Variants in ZNF444 observed in about 807,000 individuals in gnomAD.
ZNF444 encodes the protein zinc finger protein 444, also known as endothelial zinc finger protein 2.
ZNF444 carries 8 observed loss-of-function variants against 14.4 expected under a neutral mutation model. That is an observed-to-expected ratio of 0.56 (90% CI 0.33 to 1.00). The LOEUF (loss-of-function observed/expected upper bound fraction) is 1.00, where lower values mean the gene tolerates loss of function less well. ZNF444 is among the 50% of genes least tolerant of loss of function. ZNF444 has a pLI of 0.03. For synonymous variants in ZNF444, 258 were observed against 235.9 expected (o/e 1.09, Z -0.86); for missense variants, 510 against 504.8 (o/e 1.01, Z -0.10).
At chr19:56,158,391 C>G (rs1215279432) in intron 3 of ZNF444, 103 bp from the exon 4 acceptor site, 1 of 1,118,186 alleles carries the variant, frequency 8.9e-7, no homozygotes, top group Non-Finnish European at 1.2e-6. Context: ...TGGCTTCCTC[C>G]CAGCAGGGAT....
chr19:56,136,701 T>G (rs904553474), upstream of ZNF444, among the ~76,000 whole-genome samples: 1 of 152,230 alleles, frequency 6.6e-6, no homozygotes, highest in Non-Finnish European at 1.5e-5. Context: ...TTGCATCCCC[T>G]GGAGGCCTTG....
rs1166927928 is a variant in ZNF444, at chr19:56,160,310, C to G, written c.*109C>G. The G allele has an allele frequency of 2.3e-6, 2 of 868,106 alleles. No homozygotes were observed. Among genetic ancestry groups the G allele is most frequent in the Non-Finnish European group, 3.2e-6 (2 of 615,928 alleles). 53.8% of individuals were successfully genotyped at this position (868,106 alleles called of 1,614,324 possible). ...CCTCTCCTCCTTCCCTCCCATCGTC[C>G]TCCTCCACCTGCGCCTCCCTTGTCT... On this transcript the variant is annotated 3_prime_UTR_variant, in exon 5 of 5. Coordinates refer to ENST00000337080, the MANE Select transcript of ZNF444 (RefSeq NM_018337.4).
chr19:56,160,147 G>A lies in ZNF444; in HGVS notation c.930G>A (p.Ala310=), dbSNP rs1417516503. Residue 310 remains alanine (A), a synonymous_variant, in exon 5 of 5, where the codon GCG becomes GCA. Transcript: ENST00000337080. ...HGRAAASAQG[A]VAPGPDGGGP... is the part of the protein sequence containing the mutation. ...GGGCAGCGGCCAGCGCGCAGGGGGCGGTAGCTCCGGGCCCGGATGGTGGAG... is the reference window on the plus strand; with the variant it reads ...GGGCAGCGGCCAGCGCGCAGGGGGCAGTAGCTCCGGGCCCGGATGGTGGAG... 6 of 1,483,058 alleles carry A rather than the reference G, an allele frequency of 4.0e-6. No homozygotes were observed. Among genetic ancestry groups the A allele is most frequent in the South Asian group, 1.3e-5 (1 of 78,080 alleles). The allele number at this position is 1,483,058 out of a possible 1,614,324, so 91.9% of individuals were successfully genotyped here. A position where few individuals can be genotyped will look rare whatever the true frequency, so the allele number is the denominator to read the frequency against.
At chr19:56,148,963 C>A (rs1187089280) in intron 3 of ZNF444, among the ~76,000 whole-genome samples, 1 of 152,194 alleles carries the variant, frequency 6.6e-6, no homozygotes, top group Non-Finnish European at 1.5e-5. Context: ...AGGCTGCCCG[C>A]ATTCCTCGGC....
Position 56,160,521 on chromosome 19 carries a change from T to G in ZNF444, c.*320T>G. On this transcript the variant is annotated 3_prime_UTR_variant, in exon 5 of 5. Transcript: ENST00000337080. The stretch of plus-strand genomic sequence containing the variant: ...TCTCTCCTGCGGCCCAGCCTCCCTC[T>G]CCCTCCTCCATTCCTCTCTCCCTGC... 2.3e-5 allele frequency: 7 copies of G among 298,658 alleles called. No individual in the cohort carries two copies. Among genetic ancestry groups the G allele is most frequent in the East Asian group, 6.7e-5 (1 of 14,828 alleles). 18.5% of individuals were successfully genotyped at this position (298,658 alleles called of 1,614,324 possible). A position where few individuals can be genotyped will look rare whatever the true frequency, so the allele number is the denominator to read the frequency against.
upstream of ZNF444, among the ~76,000 whole-genome samples, chr19:56,140,304 TA>T (rs2030725413): frequency 8.1e-6 from 1 of 123,616 alleles, no homozygotes; most frequent in South Asian, 3.0e-4. Flanking sequence ...GTATGAGCCA[TA>T]ATCAGGTCTG....
chr19:56,158,276 T>G, intron 3 of ZNF444: 1 of 472,102 alleles, frequency 2.1e-6, no homozygotes, highest in Non-Finnish European at 3.8e-6. Flanking sequence ...CATCTGAAGG[T>G]TGGTGGCTTC....
At chr19:56,151,775 C>T (rs774567820) in intron 3 of ZNF444, 1 of 383,202 alleles carries the variant, frequency 2.6e-6, no homozygotes, top group Non-Finnish European at 5.2e-6. Context: ...GGGAGCTGAC[C>T]GTGGTGTATA....
chr19:56,136,468 G>GA (rs1452811680), upstream of ZNF444, among the ~76,000 whole-genome samples: 2 of 152,212 alleles, frequency 1.3e-5, no homozygotes, highest in Non-Finnish European at 2.9e-5. Flanking sequence ...CGGATGTGGG[G>GA]AGGGAGGGAA....
intron 1 of ZNF444, chr19:56,143,613 C>G (rs1198709683): frequency 6.6e-6 from 1 of 152,154 alleles, no homozygotes. Flanking sequence ...CCCCTTGCTC[C>G]TGCTGCAACT....
At chr19:56,146,840 C>T (rs2031218000) in intron 2 of ZNF444, 50 bp from the exon 3 acceptor site, 3 of 1,290,578 alleles carry the variant, frequency 2.3e-6, no homozygotes, top group South Asian at 2.0e-5. Context: ...GTCTGGGCAC[C>T]GCGGGCAGGG....
chr19:56,154,739 A>T (rs186479977), intron 3 of ZNF444: 1 of 152,270 alleles, frequency 6.6e-6, no homozygotes, highest in Non-Finnish European at 1.5e-5. Context: ...CTTAGCCCAG[A>T]TACACGAGGA....
rs1303005427 is a variant in ZNF444, at chr19:56,147,401, CAA to C, written c.297+194_297+195del. Among the ~76,000 whole-genome samples the C allele has an allele frequency of 2.0e-5, 3 of 152,142 alleles. No individual in the cohort carries two copies. In the East Asian group the frequency reaches 5.8e-4, roughly 29 times the overall value. ...GCACCCTCCATCCCCACACCAGCTGCAAGTCAGGAGGGCCCCAAGACCCTGGC... is the reference window on the plus strand; with the variant it reads ...GCACCCTCCATCCCCACACCAGCTGCGTCAGGAGGGCCCCAAGACCCTGGC... On this transcript the variant is annotated intron_variant, in intron 3 of 4. Transcript: ENST00000337080. This position sits in a 1 kb window ranked among gnomAD's most constrained non-coding sequence, Gnocchi z 5.9.
Position 56,160,553 on chromosome 19 carries a change from C to A in ZNF444, c.*352C>A. 3.7e-6 allele frequency: 1 copy of A among 271,748 alleles called. No individual in the cohort carries two copies. Among genetic ancestry groups the A allele is most frequent in the Non-Finnish European group, 6.9e-6 (1 of 145,236 alleles). 16.8% of individuals were successfully genotyped at this position (271,748 alleles called of 1,614,324 possible). ...TCCATTCCTCTCTCCCTGCCCTTTT[C>A]CTGCCTGAAGAGCAGAGGTGAGGAC... On this transcript the variant is annotated 3_prime_UTR_variant, in exon 5 of 5. Transcript: ENST00000337080.
intron 4 of ZNF444, 136 bp from the exon 5 acceptor site, chr19:56,159,488 A>G: frequency 1.4e-6 from 1 of 696,616 alleles, no homozygotes; most frequent in Non-Finnish European, 2.2e-6. Context: ...TATGAATAAG[A>G]AGCCCACAGC....
At chr19:56,133,714 G>A (rs1486822127) in intron 1 of ZNF444, among the ~76,000 whole-genome samples, 1 of 151,394 alleles carries the variant, frequency 6.6e-6, no homozygotes, top group African/African-American at 2.4e-5. Flanking sequence ...TCGGGAGGCT[G>A]AGGCAGGAGA....
chr19:56,147,233 G>T lies in ZNF444; in HGVS notation c.297+25G>T, dbSNP rs1169940841. The T allele has an allele frequency of 7.1e-7, 1 of 1,407,796 alleles. No homozygotes were observed. The highest frequency in any genetic ancestry group is 2.9e-5 in the East Asian group (1 of 34,290). The allele number at this position is 1,407,796 out of a possible 1,614,324, so 87.2% of individuals were successfully genotyped here. A position where few individuals can be genotyped will look rare whatever the true frequency, so the allele number is the denominator to read the frequency against. On this transcript the variant is annotated intron_variant, in intron 3 of 4. Coordinates refer to ENST00000337080, the MANE Select transcript of ZNF444 (RefSeq NM_018337.4). This position sits in a 1 kb window ranked among gnomAD's most constrained non-coding sequence, Gnocchi z 5.9. Reference sequence around the variant, plus strand: ...GGTGAGCCTGGCGGGACTGCAAGCGGGGAAGGGAGAGGGGAAGGTGCCAGG... The same window carrying T: ...GGTGAGCCTGGCGGGACTGCAAGCGTGGAAGGGAGAGGGGAAGGTGCCAGG...
chr19:56,151,897 G>A (rs2031602352), intron 3 of ZNF444: 1 of 456,788 alleles, frequency 2.2e-6, no homozygotes, highest in African/African-American at 2.0e-5. Context: ...ACTGTGGATT[G>A]GGGTTTCTTG....
intron 1 of ZNF444, among the ~76,000 whole-genome samples, chr19:56,134,554 T>G (rs2030568664): frequency 6.6e-6 from 1 of 152,000 alleles, no homozygotes; most frequent in Non-Finnish European, 1.5e-5. Flanking sequence ...CTTACAGGTG[T>G]GGGGGTGGTC....
Sources: allele counts gnomAD v4.1 joint callset (sites outside exome capture counted in the v4.1 genomes callset), GRCh38; gene constraint gnomAD v4.1.1; non-coding constraint Gnocchi (gnomAD v3.1); transcripts MANE v1.5; gene names NCBI Gene and HGNC (gene_info 2026-07-23, HGNC 2026-07-21).